The following TSHZ2 variants were observed in gnomAD, a reference collection of about 807,000 sequenced individuals.
TSHZ2 encodes teashirt zinc finger homeobox 2.
In TSHZ2, 21 loss-of-function variants were observed where a neutral mutation model predicts 74.4. The observed-to-expected ratio is 0.28, with a 90% CI of 0.20 to 0.41. TSHZ2 has a LOEUF of 0.41. Among genes scored for constraint, TSHZ2 ranks in the 10% least tolerant of loss-of-function variants. TSHZ2 has a pLI of 1.00. For missense variants in TSHZ2, 1,244 were observed against 1,293.5 expected, an observed-to-expected ratio of 0.96 and a Z score of 0.59; for synonymous variants, 540 against 515.3, an observed-to-expected ratio of 1.05 and a Z score of -0.65.
intron 2 of TSHZ2, among the ~76,000 whole-genome samples, chr20:53,265,864 G>A (rs1309902350): frequency 6.6e-6 from 1 of 152,210 alleles, no homozygotes; most frequent in Non-Finnish European, 1.5e-5. Context: ...AGCAATCTAA[G>A]AGAAATGTGT....
intron 2 of TSHZ2, among the ~76,000 whole-genome samples, chr20:53,394,337 G>T (rs1198258691): frequency 6.6e-6 from 1 of 152,162 alleles, no homozygotes; most frequent in Non-Finnish European, 1.5e-5. Context: ...AATTACTCAA[G>T]TGTTTACATG....
At chr20:53,331,255 G>A (rs1199311296) in intron 2 of TSHZ2, among the ~76,000 whole-genome samples, 1 of 152,160 alleles carries the variant, frequency 6.6e-6, no homozygotes, top group Non-Finnish European at 1.5e-5. Flanking sequence ...AAAGCATTGT[G>A]GTCTGAGAAA....
At chr20:53,203,895 A>G (rs898601140) in intron 1 of TSHZ2, among the ~76,000 whole-genome samples, 1 of 152,014 alleles carries the variant, frequency 6.6e-6, no homozygotes, top group Non-Finnish European at 1.5e-5. Context: ...CACATACCAC[A>G]TGGGGCTACT....
At chr20:53,401,525 G>T (rs1279661819) in intron 2 of TSHZ2, among the ~76,000 whole-genome samples, 1 of 148,580 alleles carries the variant, frequency 6.7e-6, no homozygotes, top group Non-Finnish European at 1.5e-5. Flanking sequence ...ACAATGTGTG[G>T]TTCCTTACCC....
chr20:52,975,395 T>A (rs993261440), intron 1 of TSHZ2, among the ~76,000 whole-genome samples: 1 of 152,170 alleles, frequency 6.6e-6, no homozygotes, highest in Non-Finnish European at 1.5e-5. Context: ...ATTATAATTA[T>A]CCTACGATCG....
intron 1 of TSHZ2, among the ~76,000 whole-genome samples, chr20:53,159,776 T>C (rs1293407): frequency 0.059 from 9,020 of 152,264 alleles, 333 homozygotes; most frequent in Non-Finnish European, 0.079. Context: ...TATTCATTCA[T>C]TTTTTTCATT....
At chr20:53,229,842 GAAA>G (rs753043758) in intron 1 of TSHZ2, among the ~76,000 whole-genome samples, 2 of 131,978 alleles carry the variant, frequency 1.5e-5, no homozygotes, top group Admixed American at 7.9e-5. Context: ...AGAAAGAAAA[GAAA>G]AAAAGAAGAA....
intron 1 of TSHZ2, among the ~76,000 whole-genome samples, chr20:53,121,988 TA>T (rs2123353384): frequency 6.6e-6 from 1 of 152,196 alleles, no homozygotes; most frequent in East Asian, 1.9e-4. Flanking sequence ...ATTTGAATGT[TA>T]AAAATAGTGA....
chr20:53,032,708 G>A (rs940324266), intron 1 of TSHZ2, among the ~76,000 whole-genome samples: 13 of 152,020 alleles, frequency 8.6e-5, no homozygotes, highest in South Asian at 8.3e-4. Context: ...ATGAGGAGGC[G>A]TAAAGATTTC....
intron 1 of TSHZ2, among the ~76,000 whole-genome samples, chr20:52,984,600 C>G (rs898419008): frequency 1.3e-4 from 20 of 152,046 alleles, no homozygotes; most frequent in African/African-American, 4.8e-4. Context: ...TAAAGATAAG[C>G]AAGCAAGGGG....
At chr20:53,085,233 C>T (rs1160131800) in intron 1 of TSHZ2, among the ~76,000 whole-genome samples, 2 of 152,000 alleles carry the variant, frequency 1.3e-5, no homozygotes, top group African/African-American at 2.4e-5. Flanking sequence ...GGCGTGGTGG[C>T]GGGCACCTAT....
intron 2 of TSHZ2, among the ~76,000 whole-genome samples, chr20:53,321,496 C>T (rs2145523179): frequency 6.6e-6 from 1 of 151,950 alleles, no homozygotes; most frequent in South Asian, 2.1e-4. Context: ...CCAGCCTAGC[C>T]AACATAGTGA....
At chr20:53,175,676 T>G (rs1233724089) in intron 1 of TSHZ2, among the ~76,000 whole-genome samples, 3 of 152,170 alleles carry the variant, frequency 2.0e-5, no homozygotes, top group African/African-American at 7.2e-5. Context: ...GTAGGGCAGA[T>G]AGTGGCTGCT....
chr20:53,306,228 G>A (rs1023666996), intron 2 of TSHZ2, among the ~76,000 whole-genome samples: 1 of 152,150 alleles, frequency 6.6e-6, no homozygotes, highest in Non-Finnish European at 1.5e-5. Context: ...CCACCACCCA[G>A]CTCATCTGCT....
intron 2 of TSHZ2, among the ~76,000 whole-genome samples, chr20:53,322,689 G>A (rs2145526651): frequency 6.6e-6 from 1 of 152,260 alleles, no homozygotes; most frequent in South Asian, 2.1e-4. Context: ...AGCTGCCACT[G>A]GGGAGGGCCC....
intron 2 of TSHZ2, among the ~76,000 whole-genome samples, chr20:53,322,447 A>C (rs1379432700): frequency 6.6e-6 from 1 of 151,628 alleles, no homozygotes; most frequent in Non-Finnish European, 1.5e-5. Flanking sequence ...CAAGAGGTGG[A>C]GGTTGCAATG....
chr20:53,015,737 A>G (rs1310673277), intron 1 of TSHZ2, among the ~76,000 whole-genome samples: 1 of 152,178 alleles, frequency 6.6e-6, no homozygotes, highest in East Asian at 1.9e-4. Context: ...ACACCATTAG[A>G]CATTCTCTAG....
intron 1 of TSHZ2, among the ~76,000 whole-genome samples, chr20:53,248,235 TA>T (rs1990249671): frequency 6.7e-6 from 1 of 150,318 alleles, no homozygotes; most frequent in African/African-American, 2.4e-5. Context: ...TATGCCTGGC[TA>T]TTTTTTTTTT....
intron 1 of TSHZ2, among the ~76,000 whole-genome samples, chr20:53,068,054 C>T (rs1985048992): frequency 6.6e-6 from 1 of 152,158 alleles, no homozygotes; most frequent in Non-Finnish European, 1.5e-5. Context: ...GGCATCCCCT[C>T]TTTTGGTGTC....
Sources: allele counts gnomAD v4.1 joint callset (sites outside exome capture counted in the v4.1 genomes callset), GRCh38; gene constraint gnomAD v4.1.1; transcripts MANE v1.5; gene names NCBI Gene and HGNC (gene_info 2026-07-23, HGNC 2026-07-21).